PLCL1: variants seen among roughly 807,000 people sequenced by gnomAD.
PLCL1 encodes inactive phospholipase C-like protein 1.
A neutral mutation model predicts 84.4 loss-of-function variants in PLCL1; 41 were observed. The observed-to-expected ratio is 0.49, with a 90% CI of 0.38 to 0.63. The LOEUF (loss-of-function observed/expected upper bound fraction) is 0.63, where lower values mean the gene tolerates loss of function less well. Among genes scored for constraint, PLCL1 ranks in the 30% least tolerant of loss-of-function variants. The pLI, the probability that PLCL1 is intolerant of heterozygous loss-of-function variation, is 0.00. For missense variants in PLCL1, 1,206 were observed against 1,367.8 expected, an observed-to-expected ratio of 0.88 and a Z score of 1.87; for synonymous variants, 490 against 488.3, an observed-to-expected ratio of 1.00 and a Z score of -0.05.
At chr2:198,090,097 TAG>T (rs1692984396) in intron 3 of PLCL1, among the ~76,000 whole-genome samples, 1 of 152,110 alleles carries the variant, frequency 6.6e-6, no homozygotes, top group South Asian at 2.1e-4. Context: ...TCTAAGCCAG[TAG>T]AGAGAAGCAT....
intron 1 of PLCL1, among the ~76,000 whole-genome samples, chr2:197,909,913 CCTT>C (rs1194782007): frequency 6.6e-6 from 1 of 152,084 alleles, no homozygotes; most frequent in Non-Finnish European, 1.5e-5. Flanking sequence ...TTGAATCTCT[CCTT>C]CATCTGCACC....
chr2:198,075,699 T>G (rs923524945), intron 1 of PLCL1, among the ~76,000 whole-genome samples: 2 of 152,246 alleles, frequency 1.3e-5, no homozygotes, highest in Admixed American at 1.3e-4. Flanking sequence ...ACATCTTTAA[T>G]GTTATTTAAA....
At chr2:198,038,844 CA>C (rs11299150) in intron 1 of PLCL1, among the ~76,000 whole-genome samples, 6,900 of 120,336 alleles carry the variant, frequency 0.057, 420 homozygotes, top group African/African-American at 0.19. Context: ...CATTAAAGGT[CA>C]AAAAAAAAAA....
chr2:197,946,048 G>T (rs1689265044), intron 1 of PLCL1, among the ~76,000 whole-genome samples: 2 of 152,028 alleles, frequency 1.3e-5, no homozygotes, highest in African/African-American at 4.8e-5. Flanking sequence ...AAATGCTGAG[G>T]TTACTGAGTT....
chr2:197,897,827 T>G (rs1688185220), intron 1 of PLCL1, among the ~76,000 whole-genome samples: 1 of 152,220 alleles, frequency 6.6e-6, no homozygotes, highest in South Asian at 2.1e-4. Context: ...TCCATTCAGC[T>G]CTAGTATCGC....
chr2:197,866,373 GT>G (rs1399072622), intron 1 of PLCL1, among the ~76,000 whole-genome samples: 3 of 151,604 alleles, frequency 2.0e-5, no homozygotes, highest in Non-Finnish European at 4.4e-5. Flanking sequence ...AATTAGTTAT[GT>G]TTCCTAGTAC....
At chr2:197,866,595 G>A (rs555172692) in intron 1 of PLCL1, among the ~76,000 whole-genome samples, 1 of 152,056 alleles carries the variant, frequency 6.6e-6, no homozygotes, top group South Asian at 2.1e-4. Context: ...TAATATGCTT[G>A]CTTTTCCAGC....
chr2:197,993,033 G>A (rs2105814054), intron 1 of PLCL1, among the ~76,000 whole-genome samples: 1 of 152,300 alleles, frequency 6.6e-6, no homozygotes, highest in East Asian at 1.9e-4. Context: ...ACCCAGAAGT[G>A]TAATTGCTGG....
chr2:197,918,397 A>G (rs541901744), intron 1 of PLCL1, among the ~76,000 whole-genome samples: 1 of 152,358 alleles, frequency 6.6e-6, no homozygotes, highest in East Asian at 1.9e-4. Flanking sequence ...GGCGTTAGGC[A>G]AAAACTAAGG....
chr2:197,927,419 C>A (rs1015855541), intron 1 of PLCL1, among the ~76,000 whole-genome samples: 6 of 152,172 alleles, frequency 3.9e-5, no homozygotes, highest in Non-Finnish European at 8.8e-5. Context: ...TGCTTCATAT[C>A]TCTTTCCTTT....
At chr2:197,962,043 A>C (rs1259773044) in intron 1 of PLCL1, among the ~76,000 whole-genome samples, 1 of 152,076 alleles carries the variant, frequency 6.6e-6, no homozygotes, top group African/African-American at 2.4e-5. Flanking sequence ...AGTTGTTTTT[A>C]ATGAGAGAAA....
At chr2:197,889,892 A>G (rs1321770269) in intron 1 of PLCL1, among the ~76,000 whole-genome samples, 1 of 152,180 alleles carries the variant, frequency 6.6e-6, no homozygotes, top group Non-Finnish European at 1.5e-5. Context: ...AGTTGCTTGT[A>G]GGTTTCTTAT....
At chr2:197,959,092 CT>C (rs1479027379) in intron 1 of PLCL1, among the ~76,000 whole-genome samples, 1 of 151,974 alleles carries the variant, frequency 6.6e-6, no homozygotes, top group Non-Finnish European at 1.5e-5. Context: ...CCCAAACTAG[CT>C]ATGTGACTTC....
Position 198,146,803 on chromosome 2 carries a change from T to C in PLCL1, c.3129T>C (p.Asn1043=). 1 of 1,612,940 alleles carries C rather than the reference T, an allele frequency of 6.2e-7. No individual in the cohort carries two copies. The highest frequency in any genetic ancestry group is 8.5e-7 in the Non-Finnish European group (1 of 1,179,502). ...AGGGCCAAGGAGATCTGTTGAAGAA[T>C]GCCAAGAATGAAGCTATAGAAAACA... is the stretch of plus-strand genomic sequence containing the variant. ...VLKGQGDLLK[N]AKNEAIENMK... Residue 1043 remains asparagine (N), a synonymous_variant, in exon 6 of 6, where the codon AAT becomes AAC. Coordinates refer to ENST00000428675, the MANE Select transcript of PLCL1 (RefSeq NM_006226.4).
At position 197,861,787 on chromosome 2, in the gene PLCL1, G is replaced by C. The variant is rs141472890; in HGVS notation, c.240+56448G>C. The stretch of plus-strand genomic sequence containing the variant: ...GGGGGAACCCCTACCCCTACATTTG[G>C]TCACAGAAATCTTTTGTGTTGACTG... On this transcript the variant is annotated intron_variant, in intron 1 of 5. Transcript: ENST00000428675. Among the ~76,000 whole-genome samples the C allele has an allele frequency of 4.1e-3, 627 of 152,234 alleles. 3 individuals are homozygous for C. The highest frequency in any genetic ancestry group is 0.015 in the African/African-American group (603 of 41,554).
At chr2:197,885,080 G>A (rs1207635180) in intron 1 of PLCL1, among the ~76,000 whole-genome samples, 2 of 152,106 alleles carry the variant, frequency 1.3e-5, no homozygotes, top group African/African-American at 2.4e-5. Flanking sequence ...TTCCTGTCCC[G>A]CGAATGTACC....
At chr2:197,939,062 A>G (rs1285932762) in intron 1 of PLCL1, among the ~76,000 whole-genome samples, 1 of 152,198 alleles carries the variant, frequency 6.6e-6, no homozygotes, top group Admixed American at 6.5e-5. Context: ...GGTGGTGGTG[A>G]GAAGGAGGAT....
intron 1 of PLCL1, among the ~76,000 whole-genome samples, chr2:197,938,671 T>A (rs1457719685): frequency 6.6e-6 from 1 of 152,122 alleles, no homozygotes. Flanking sequence ...TCAAGGGGAA[T>A]ACCTGGAAGC....
rs1000413095 is a variant in PLCL1, at chr2:198,055,497, G to A, written c.241-28261G>A. On this transcript the variant is annotated intron_variant, in intron 1 of 5. Coordinates refer to ENST00000428675, the MANE Select transcript of PLCL1 (RefSeq NM_006226.4). Reference sequence around the variant, plus strand: ...TGAATCTTAAATACATCAATATTCTGTAGTTTCTCAAACCTTTTATTTTGT... The same window carrying A: ...TGAATCTTAAATACATCAATATTCTATAGTTTCTCAAACCTTTTATTTTGT... Among the ~76,000 whole-genome samples the A allele has an allele frequency of 2.1e-5, 3 of 143,272 alleles. No homozygotes were observed. In the South Asian group the frequency reaches 7.1e-4, roughly 34 times the overall value. 94.0% of individuals were successfully genotyped at this position (143,272 alleles called of 152,430 possible). A position where few individuals can be genotyped will look rare whatever the true frequency, so the allele number is the denominator to read the frequency against.
Sources: allele counts gnomAD v4.1 joint callset (sites outside exome capture counted in the v4.1 genomes callset), GRCh38; gene constraint gnomAD v4.1.1; transcripts MANE v1.5; gene names NCBI Gene and HGNC (gene_info 2026-07-23, HGNC 2026-07-21).